C14orf132: variants seen among roughly 807,000 people sequenced by gnomAD.
The protein encoded by C14orf132 is chromosome 14 open reading frame 132.
C14orf132 carries 6 observed loss-of-function variants against 5.8 expected under a neutral mutation model. That is an observed-to-expected ratio of 1.03 (90% CI 0.57 to 2.04). C14orf132 has a LOEUF of 2.04. Ranked by LOEUF, C14orf132 falls within the 30% of genes most tolerant of loss-of-function variation. The pLI, the probability that C14orf132 is intolerant of heterozygous loss-of-function variation, is 0.00. For synonymous variants in C14orf132, 51 were observed against 49.8 expected, an observed-to-expected ratio of 1.02 and a Z score of -0.10; for missense variants, 125 against 115.8, an observed-to-expected ratio of 1.08 and a Z score of -0.37.
At chr14:96,064,434 ATATGTGTATATATATGTGTATATG>A (rs1169972659) in intron 1 of C14orf132, among the ~76,000 whole-genome samples, 1 of 150,900 alleles carries the variant, frequency 6.6e-6, no homozygotes, top group African/African-American at 2.4e-5. Flanking sequence ...ATACACATAT[ATATGTGTATATATATGTGTATATG>A]TATGTATATA....
rs79344873 is a variant in C14orf132 at position 96,075,813 on chromosome 14, T to G, written c.28-10698T>G. Among the ~76,000 whole-genome samples, 2,647 of 152,312 alleles carry G rather than the reference T, an allele frequency of 0.017. 242 individuals are homozygous for G. The East Asian group carries it at 0.28, about 16-fold the overall frequency. On this transcript the variant is annotated intron_variant, in intron 1 of 1. Coordinates refer to ENST00000555004, the MANE Select transcript of C14orf132 (RefSeq NM_001252507.3). ...TTGCTGGATTTAATTTACCAATATC[T>G]CGTTGACTACTTTTTGTCTTGTTCA...
intron 1 of C14orf132, among the ~76,000 whole-genome samples, chr14:96,052,510 G>T (rs145163771): frequency 1.1e-4 from 16 of 152,366 alleles, no homozygotes; most frequent in African/African-American, 3.8e-4. Context: ...CAGGATTGCT[G>T]CTGCCCAGCC....
intron 1 of C14orf132, among the ~76,000 whole-genome samples, chr14:96,069,179 G>GTA (rs527543816): frequency 0.035 from 1,710 of 48,750 alleles, 74 homozygotes; most frequent in African/African-American, 0.075. Flanking sequence ...ATATATATAT[G>GTA]TATATATATA....
At chr14:96,078,847 C>T (rs1887952551) in intron 1 of C14orf132, among the ~76,000 whole-genome samples, 1 of 152,226 alleles carries the variant, frequency 6.6e-6, no homozygotes, top group African/African-American at 2.4e-5. Flanking sequence ...CCAGCAGTTC[C>T]TGCTGATTTG....
chr14:96,051,470 G>A (rs1280817057), intron 1 of C14orf132, among the ~76,000 whole-genome samples: 1 of 152,186 alleles, frequency 6.6e-6, no homozygotes, highest in Admixed American at 6.5e-5. Flanking sequence ...ATTTAGCCAA[G>A]AGCTGGAACA....
intron 1 of C14orf132, among the ~76,000 whole-genome samples, chr14:96,059,603 T>C (rs1366442810): frequency 1.3e-5 from 2 of 152,178 alleles, no homozygotes; most frequent in African/African-American, 4.8e-5. Context: ...GCATAGCTCA[T>C]AGGATATTCT....
In C14orf132 at chr14:96,088,052, C is replaced by G. The variant is rs745551268; in HGVS notation, c.*1317C>G. On this transcript the variant is annotated 3_prime_UTR_variant, in exon 2 of 2. Transcript: ENST00000555004. ...TCACCTCTAGGCCCAGAGAGGCTTT[C>G]TCCTCACTTTATACACTGCAAAAAC... is the stretch of plus-strand genomic sequence containing the variant. The G allele has an allele frequency of 6.7e-6, 1 of 150,116 alleles. No homozygotes were observed. The highest frequency in any genetic ancestry group is 1.5e-5 in the Non-Finnish European group (1 of 67,652). The allele number at this position is 150,116 out of a possible 1,614,324, so 9.3% of individuals were successfully genotyped here.
intron 1 of C14orf132, among the ~76,000 whole-genome samples, chr14:96,071,311 AC>A (rs921897094): frequency 1.3e-5 from 2 of 151,854 alleles, no homozygotes; most frequent in East Asian, 1.9e-4. Context: ...TGATCCAATT[AC>A]CCCCCACCAG....
chr14:96,043,891 T>C (rs1470660833), intron 1 of C14orf132, among the ~76,000 whole-genome samples: 2 of 152,160 alleles, frequency 1.3e-5, no homozygotes, highest in Non-Finnish European at 2.9e-5. Context: ...AGCTTCTCCC[T>C]CTCTCCAGGC....
rs747797298 is a variant in C14orf132, at chr14:96,039,544, C to G, written c.27+17C>G. On this transcript the variant is annotated intron_variant, in intron 1 of 1. Transcript: ENST00000555004. This position sits in a 1 kb window ranked among gnomAD's most constrained non-coding sequence, Gnocchi z 5.3. ...GCCGCGCAGGTAACGGGGCGTCCCC[C>G]CCACGCGCCCCGGGCCGCCAAGTTT... is the stretch of plus-strand genomic sequence containing the variant. 27 of 1,499,658 alleles carry G rather than the reference C, an allele frequency of 1.8e-5. No homozygotes were observed. Among genetic ancestry groups the G allele is most frequent in the Admixed American group, 6.2e-5 (3 of 48,002 alleles). The allele number at this position is 1,499,658 out of a possible 1,614,324, so 92.9% of individuals were successfully genotyped here.
intron 1 of C14orf132, among the ~76,000 whole-genome samples, chr14:96,067,221 G>C (rs985584541): frequency 1.3e-5 from 2 of 152,156 alleles, no homozygotes; most frequent in Admixed American, 6.5e-5. Context: ...AAAGGCAGTC[G>C]CGCCAGCAGC....
At chr14:96,066,016 G>A (rs1323092410) in intron 1 of C14orf132, among the ~76,000 whole-genome samples, 2 of 152,156 alleles carry the variant, frequency 1.3e-5, no homozygotes, top group Non-Finnish European at 2.9e-5. Context: ...CCATAGCTGA[G>A]CCAACAGAGG....
Position 96,091,129 on chromosome 14 carries a change from C to G in C14orf132, c.*4394C>G, listed in dbSNP as rs1206951246. On this transcript the variant is annotated 3_prime_UTR_variant, in exon 2 of 2. Transcript: ENST00000555004. Reference sequence around the variant, plus strand: ...GGGCTGAACGCTCACAGCTAAGGAGCTGTGATTCAGACCCAGTTCTGTCAG... The same window carrying G: ...GGGCTGAACGCTCACAGCTAAGGAGGTGTGATTCAGACCCAGTTCTGTCAG... 13 of 410,908 alleles carry G rather than the reference C, an allele frequency of 3.2e-5. No homozygotes were observed. Among genetic ancestry groups the G allele is most frequent in the Non-Finnish European group, 3.9e-5 (8 of 205,110 alleles). 25.5% of individuals were successfully genotyped at this position (410,908 alleles called of 1,614,324 possible). A position where few individuals can be genotyped will look rare whatever the true frequency, so the allele number is the denominator to read the frequency against.
At position 96,090,666 on chromosome 14, in the gene C14orf132, G is replaced by A. The variant is rs537884441; in HGVS notation, c.*3931G>A. Reference sequence around the variant, plus strand: ...TACCCCCCAGAGAGAAATGATTCTCGCTCCTTTCAGATCCCCCAGGATCTG... The same window carrying A: ...TACCCCCCAGAGAGAAATGATTCTCACTCCTTTCAGATCCCCCAGGATCTG... On this transcript the variant is annotated 3_prime_UTR_variant, in exon 2 of 2. Coordinates refer to ENST00000555004, the MANE Select transcript of C14orf132 (RefSeq NM_001252507.3). The A allele has an allele frequency of 5.7e-5, 26 of 456,046 alleles. No homozygotes were observed. In the East Asian group the frequency reaches 9.7e-4, roughly 17 times the overall value. The allele number at this position is 456,046 out of a possible 1,614,324, so 28.2% of individuals were successfully genotyped here.
chr14:96,063,511 G>A (rs1482251580), intron 1 of C14orf132, among the ~76,000 whole-genome samples: 1 of 152,004 alleles, frequency 6.6e-6, no homozygotes, highest in Non-Finnish European at 1.5e-5. Context: ...GTTTCACCAT[G>A]TTGGCCAGGC....
At chr14:96,082,840 T>C (rs909029968) in intron 1 of C14orf132, among the ~76,000 whole-genome samples, 2 of 152,242 alleles carry the variant, frequency 1.3e-5, no homozygotes, top group Non-Finnish European at 2.9e-5. Context: ...CATGATCTTA[T>C]TCACTGCTTG....
intron 1 of C14orf132, among the ~76,000 whole-genome samples, chr14:96,053,783 C>T (rs994824352): frequency 8.5e-5 from 13 of 152,204 alleles, no homozygotes; most frequent in African/African-American, 3.1e-4. Flanking sequence ...CAGCAGCCCA[C>T]TGTGGGAGGA....
rs148793936 is a variant in C14orf132, at chr14:96,041,780, T to C, written c.27+2253T>C. ...CATCCATCCACTTGCTCAGCAAATG[T>C]CTAGTACCTGCCTTGTGACAAGCTC... On this transcript the variant is annotated intron_variant, in intron 1 of 1. Coordinates refer to ENST00000555004, the MANE Select transcript of C14orf132 (RefSeq NM_001252507.3). 8.9e-4 allele frequency among the ~76,000 whole-genome samples: 135 copies of C among 152,340 alleles called. 1 individual carries two copies. The highest frequency in any genetic ancestry group is 2.9e-3 in the African/African-American group (121 of 41,570).
Position 96,063,340 on chromosome 14 carries a change from G to C in C14orf132, c.28-23171G>C, listed in dbSNP as rs138051860. On this transcript the variant is annotated intron_variant, in intron 1 of 1. Transcript: ENST00000555004. The stretch of plus-strand genomic sequence containing the variant: ...TGTTTGTTTTTTGAGACAGAGTCTC[G>C]CTCTGTCACCCAGGCTGGAGTGTAG... Among the ~76,000 whole-genome samples the C allele has an allele frequency of 3.6e-3, 549 of 152,154 alleles. 3 individuals carry two copies. Among genetic ancestry groups the C allele is most frequent in the African/African-American group, 0.013 (519 of 41,480 alleles).
Sources: allele counts gnomAD v4.1 joint callset (sites outside exome capture counted in the v4.1 genomes callset), GRCh38; gene constraint gnomAD v4.1.1; non-coding constraint Gnocchi (gnomAD v3.1); transcripts MANE v1.5; gene names NCBI Gene and HGNC (gene_info 2026-07-23, HGNC 2026-07-21).